FSTL5: variants seen among roughly 807,000 people sequenced by gnomAD.
FSTL5 encodes follistatin-related protein 5.
FSTL5 carries 62 observed loss-of-function variants against 89.1 expected under a neutral mutation model. The ratio of observed to expected loss-of-function variants is 0.70; its 90% confidence interval spans 0.57 to 0.86. The LOEUF is 0.86. FSTL5 is among the 40% of genes least tolerant of loss of function. The probability of loss-of-function intolerance (pLI) is 0.00; values close to 1 mark genes in which losing one functional copy is unlikely to be tolerated. For synonymous variants in FSTL5, 383 were observed against 346.2 expected, an observed-to-expected ratio of 1.11 and a Z score of -1.18; for missense variants, 1,057 against 1,001.6, an observed-to-expected ratio of 1.06 and a Z score of -0.75.
intron 6 of FSTL5, among the ~76,000 whole-genome samples, chr4:161,736,948 A>G (rs1157463828): frequency 6.6e-6 from 1 of 152,060 alleles, no homozygotes; most frequent in Admixed American, 6.6e-5. Flanking sequence ...TGCAATGTCC[A>G]TATATACCCT....
intron 3 of FSTL5, among the ~76,000 whole-genome samples, chr4:161,968,621 G>A (rs1415816055): frequency 6.6e-6 from 1 of 152,020 alleles, no homozygotes; most frequent in Non-Finnish European, 1.5e-5. Context: ...AGGGATCCCA[G>A]AGATGTTCTA....
At chr4:161,515,490 T>C (rs1272728534) in intron 10 of FSTL5, among the ~76,000 whole-genome samples, 1 of 151,806 alleles carries the variant, frequency 6.6e-6, no homozygotes, top group Admixed American at 6.6e-5. Flanking sequence ...TACAAGCATA[T>C]AATGCATTTT....
chr4:161,502,256 A>T (rs2126487233), intron 11 of FSTL5, among the ~76,000 whole-genome samples: 1 of 151,978 alleles, frequency 6.6e-6, no homozygotes, highest in South Asian at 2.1e-4. Context: ...TTCCACTATG[A>T]TTTGTTGCAC....
intron 13 of FSTL5, among the ~76,000 whole-genome samples, chr4:161,474,439 T>A (rs4476558): frequency 0.73 from 111,760 of 152,086 alleles, 41,346 homozygotes; most frequent in East Asian, 0.92. Flanking sequence ...ACAAAAAGTG[T>A]AGTTACCAAA....
chr4:161,580,984 CA>C (rs1356576910), intron 8 of FSTL5, among the ~76,000 whole-genome samples: 1 of 151,956 alleles, frequency 6.6e-6, no homozygotes, highest in African/African-American at 2.4e-5. Flanking sequence ...CCTCATGAGG[CA>C]AAAGCCTGAA....
At chr4:161,453,226 T>C (rs1484256511) in intron 15 of FSTL5, among the ~76,000 whole-genome samples, 1 of 152,196 alleles carries the variant, frequency 6.6e-6, no homozygotes, top group Non-Finnish European at 1.5e-5. Flanking sequence ...GTATTAATAG[T>C]ACATTTTTAA....
intron 8 of FSTL5, among the ~76,000 whole-genome samples, chr4:161,566,165 C>T (rs7688213): frequency 0.5 from 62,753 of 126,742 alleles, 15,760 homozygotes; most frequent in Middle Eastern, 0.65. Context: ...CCGTGGAATG[C>T]TCCTCAGCCA....
At chr4:162,111,796 T>C (rs556094847) in intron 1 of FSTL5, among the ~76,000 whole-genome samples, 21 of 152,230 alleles carry the variant, frequency 1.4e-4, no homozygotes, top group South Asian at 4.1e-4. Context: ...TTTGAGTATG[T>C]TTGATGAACA....
chr4:161,503,851 G>T (rs1390679783), intron 11 of FSTL5, among the ~76,000 whole-genome samples: 1 of 152,020 alleles, frequency 6.6e-6, no homozygotes, highest in African/African-American at 2.4e-5. Context: ...ATAATATAAA[G>T]ACTTTATTGA....
At chr4:162,094,347 T>C (rs1218992760) in intron 2 of FSTL5, among the ~76,000 whole-genome samples, 1 of 152,140 alleles carries the variant, frequency 6.6e-6, no homozygotes, top group Non-Finnish European at 1.5e-5. Flanking sequence ...AAGCTAAACA[T>C]GTCAGCTTTG....
chr4:162,051,578 G>A (rs1738379384), intron 2 of FSTL5, among the ~76,000 whole-genome samples: 1 of 151,422 alleles, frequency 6.6e-6, no homozygotes, highest in Non-Finnish European at 1.5e-5. Flanking sequence ...CAAAAAATGA[G>A]TGCATTAGGC....
In FSTL5 at chr4:161,583,992, T is replaced by A. The variant is rs4273425; in HGVS notation, c.1015+3463A>T. 2.0e-5 allele frequency among the ~76,000 whole-genome samples: 3 copies of A among 152,020 alleles called. No homozygotes were observed. In the East Asian group the frequency reaches 5.8e-4, roughly 30 times the overall value. On this transcript the variant is annotated intron_variant, in intron 8 of 15. Transcript: ENST00000306100. ...ACTTCTTCTCTCCTAACTATTCCCC[T>A]ACTTACTCACCTGACAAACAAAACA...
chr4:161,840,533 T>C (rs1013693471), intron 4 of FSTL5, among the ~76,000 whole-genome samples: 10 of 152,188 alleles, frequency 6.6e-5, no homozygotes, highest in Non-Finnish European at 1.2e-4. Context: ...CCTCAGGTAG[T>C]AGTCCCAAAC....
intron 6 of FSTL5, among the ~76,000 whole-genome samples, chr4:161,717,758 G>A (rs1276225058): frequency 6.6e-6 from 1 of 152,064 alleles, no homozygotes; most frequent in Non-Finnish European, 1.5e-5. Flanking sequence ...AAATGATATT[G>A]TTAAATCATT....
chr4:161,751,897 G>T (rs1404786910), intron 6 of FSTL5, among the ~76,000 whole-genome samples: 1 of 152,134 alleles, frequency 6.6e-6, no homozygotes, highest in East Asian at 1.9e-4. Context: ...TTAAGTTGCT[G>T]CAAGGTTTCA....
intron 10 of FSTL5, among the ~76,000 whole-genome samples, chr4:161,520,772 C>T (rs1306610324): frequency 6.6e-6 from 1 of 152,092 alleles, no homozygotes; most frequent in Non-Finnish European, 1.5e-5. Context: ...TGAAGAATTA[C>T]AAAACAATAA....
At chr4:161,930,749 G>A (rs1265918493) in intron 3 of FSTL5, among the ~76,000 whole-genome samples, 1 of 151,812 alleles carries the variant, frequency 6.6e-6, no homozygotes, top group Non-Finnish European at 1.5e-5. Flanking sequence ...CAACAGATGT[G>A]TTTTAAATCC....
At chr4:161,622,093 T>C (rs1015523699) in intron 7 of FSTL5, among the ~76,000 whole-genome samples, 2 of 152,066 alleles carry the variant, frequency 1.3e-5, no homozygotes, top group African/African-American at 4.8e-5. Flanking sequence ...TGATAATGAA[T>C]TCATGGTATA....
chr4:161,991,725 A>G (rs1736116847), intron 3 of FSTL5, among the ~76,000 whole-genome samples: 1 of 152,124 alleles, frequency 6.6e-6, no homozygotes, highest in South Asian at 2.1e-4. Flanking sequence ...TGGTACATGC[A>G]GGTGTCCCGG....
Sources: allele counts gnomAD v4.1 joint callset (sites outside exome capture counted in the v4.1 genomes callset), GRCh38; gene constraint gnomAD v4.1.1; transcripts MANE v1.5; gene names NCBI Gene and HGNC (gene_info 2026-07-23, HGNC 2026-07-21).